ARHGAP6: variants seen among roughly 807,000 people sequenced by gnomAD.
ARHGAP6 encodes the protein rho GTPase-activating protein 6.
Under a neutral mutation model 55.7 loss-of-function variants are expected in ARHGAP6, and 16 were observed. The ratio of observed to expected loss-of-function variants is 0.29; its 90% CI spans 0.19 to 0.44. ARHGAP6 has a LOEUF of 0.44. Ranked by LOEUF, ARHGAP6 falls within the 20% of genes least tolerant of loss-of-function variation. ARHGAP6 has a pLI of 1.00. For missense variants in ARHGAP6, 698 were observed against 808.9 expected, an observed-to-expected ratio of 0.86 and a Z score of 1.66; for synonymous variants, 382 against 360.9, an observed-to-expected ratio of 1.06 and a Z score of -0.66.
intron 1 of ARHGAP6, among the ~76,000 whole-genome samples, chrX:11,336,934 T>C (rs2048645154): frequency 9.0e-6 from 1 of 111,307 alleles, no homozygotes. Flanking sequence ...AGTTAGTAAG[T>C]AATATATCCC....
rs1306805187 is a variant in ARHGAP6, at chrX:11,265,674, T to C, written c.589-10967A>G. The C allele has an allele frequency of 4.7e-6, 4 of 857,398 alleles. No homozygotes were observed. In the South Asian group the frequency reaches 9.3e-5, roughly 20 times the overall value. The allele number at this position is 857,398 out of a possible 1,213,427, so 70.7% of individuals were successfully genotyped here. On this transcript the variant is annotated intron_variant, in intron 1 of 12. Coordinates refer to ENST00000337414, the MANE Select transcript of ARHGAP6 (RefSeq NM_013427.3). Reference sequence around the variant, plus strand: ...AAAAAGTAGTGTAAGTATAGATATTTATATTGCTTACCCATAAATTATAAT... The same window carrying C: ...AAAAAGTAGTGTAAGTATAGATATTCATATTGCTTACCCATAAATTATAAT...
rs759606425 is a variant in ARHGAP6 at position 11,404,527 on chromosome X, ACTGT to A, written c.589-149824_589-149821del. On this transcript the variant is annotated intron_variant, in intron 1 of 12. Transcript: ENST00000337414. Reference sequence around the variant, plus strand: ...ATAATTAGAACTCAAAGAAAGTATCACTGTCTGCCAACAGGAACCAAATTTTCTT... The same window carrying A: ...ATAATTAGAACTCAAAGAAAGTATCACTGCCAACAGGAACCAAATTTTCTT... Among the ~76,000 whole-genome samples, 6 of 112,049 alleles carry A rather than the reference ACTGT, an allele frequency of 5.4e-5. No individual in the cohort carries two copies. In the South Asian group the frequency reaches 2.2e-3, roughly 42 times the overall value.
intron 1 of ARHGAP6, among the ~76,000 whole-genome samples, chrX:11,585,191 T>C (rs2051716393): frequency 3.6e-5 from 4 of 112,343 alleles, no homozygotes; most frequent in African/African-American, 9.7e-5. Flanking sequence ...TTTATGGTCA[T>C]TTAGGTTGAC....
chrX:11,567,043 C>T (rs1250350523), intron 1 of ARHGAP6, among the ~76,000 whole-genome samples: 29 of 112,223 alleles, frequency 2.6e-4, no homozygotes. Context: ...GCACAGCAGT[C>T]CCTGATGCAG....
At chrX:11,363,413 G>A (rs1187984162) in intron 1 of ARHGAP6, among the ~76,000 whole-genome samples, 4 of 112,143 alleles carry the variant, frequency 3.6e-5, no homozygotes, top group Non-Finnish European at 7.5e-5. Context: ...TCAATATTTA[G>A]CTCAGGCCAA....
Position 11,386,175 on chromosome X carries a change from C to A in ARHGAP6, c.589-131468G>T, listed in dbSNP as rs754513628. Among the ~76,000 whole-genome samples the A allele has an allele frequency of 6.8e-4, 77 of 112,911 alleles. 1 individual carries two copies. Among genetic ancestry groups the A allele is most frequent in the Non-Finnish European group, 1.3e-3 (71 of 53,402 alleles). On this transcript the variant is annotated intron_variant, in intron 1 of 12. Coordinates refer to ENST00000337414, the MANE Select transcript of ARHGAP6 (RefSeq NM_013427.3). ...TGCTGAGTTGTGGGAAGCTCCCCTG[C>A]CAAATCTCTGGAACGAACCTGAGAT...
At position 11,336,289 on chromosome X, in the gene ARHGAP6, A is replaced by G. The variant is rs146915473; in HGVS notation, c.589-81582T>C. On this transcript the variant is annotated intron_variant, in intron 1 of 12. Transcript: ENST00000337414. ...CTACTTCATAATTTACAGGGAGCCTATGAGAGTTCAAACACACTGTATTTT... is the reference window on the plus strand; with the variant it reads ...CTACTTCATAATTTACAGGGAGCCTGTGAGAGTTCAAACACACTGTATTTT... 5.2e-3 allele frequency among the ~76,000 whole-genome samples: 577 copies of G among 111,502 alleles called. 6 individuals carry two copies. The highest frequency in any genetic ancestry group is 0.017 in the African/African-American group (528 of 30,618).
chrX:11,351,569 C>A, intron 1 of ARHGAP6: 1 of 753,534 alleles, frequency 1.3e-6, no homozygotes, highest in Non-Finnish European at 1.6e-6. Flanking sequence ...GGCCTTGTAC[C>A]GCCTCAGTAC....
chrX:11,306,853 A>C (rs1263987006), intron 1 of ARHGAP6, among the ~76,000 whole-genome samples: 2 of 112,208 alleles, frequency 1.8e-5, no homozygotes, highest in Non-Finnish European at 3.8e-5. Context: ...AAAATGAAGA[A>C]TCCCTAACTC....
chrX:11,617,214 T>C (rs1171305093), intron 1 of ARHGAP6, among the ~76,000 whole-genome samples: 1 of 112,445 alleles, frequency 8.9e-6, no homozygotes, highest in African/African-American at 3.2e-5. Context: ...TTGGATCTAC[T>C]GAATTAAATA....
intron 1 of ARHGAP6, among the ~76,000 whole-genome samples, chrX:11,345,375 A>G (rs1272101945): frequency 8.9e-6 from 1 of 112,646 alleles, no homozygotes; most frequent in East Asian, 2.8e-4. Context: ...TGTCAATGAA[A>G]GGGATTCTTT....
At chrX:11,228,111 C>G (rs754820809) in intron 2 of ARHGAP6, among the ~76,000 whole-genome samples, 10 of 111,576 alleles carry the variant, frequency 9.0e-5, no homozygotes, top group Non-Finnish European at 1.3e-4. Flanking sequence ...ATATCACAGA[C>G]CATTTTATCC....
chrX:11,158,765 C>T (rs1163775302), intron 9 of ARHGAP6, among the ~76,000 whole-genome samples: 1 of 112,432 alleles, frequency 8.9e-6, no homozygotes, highest in Non-Finnish European at 1.9e-5. Context: ...GTCTTCTCTT[C>T]CCTCCCTTCC....
At chrX:11,348,869 A>G (rs5935021) in intron 1 of ARHGAP6, among the ~76,000 whole-genome samples, 6,606 of 110,431 alleles carry the variant, frequency 0.06, 222 homozygotes, top group African/African-American at 0.12. Context: ...GGCTGGTCTC[A>G]AACTCCTGGG....
chrX:11,231,655 C>G (rs911167004), intron 2 of ARHGAP6, among the ~76,000 whole-genome samples: 12 of 111,905 alleles, frequency 1.1e-4, no homozygotes, highest in African/African-American at 3.9e-4. Context: ...TTGACTCACT[C>G]CTTAGGAGGA....
At chrX:11,631,501 G>A (rs1311369169) in intron 1 of ARHGAP6, among the ~76,000 whole-genome samples, 1 of 109,494 alleles carries the variant, frequency 9.1e-6, no homozygotes, top group African/African-American at 3.3e-5. Context: ...ACTCCAGCCT[G>A]GGCAACAAGA....
intron 1 of ARHGAP6, among the ~76,000 whole-genome samples, chrX:11,259,118 C>T (rs1377736086): frequency 9.0e-6 from 1 of 111,509 alleles, no homozygotes; most frequent in African/African-American, 3.3e-5. Context: ...CATTAACTAT[C>T]CCCACCTCCC....
intron 1 of ARHGAP6, among the ~76,000 whole-genome samples, chrX:11,567,743 A>G (rs2051462380): frequency 9.2e-6 from 1 of 108,960 alleles, no homozygotes; most frequent in Non-Finnish European, 1.9e-5. Context: ...ATCATGACTC[A>G]CTGCAGCCTC....
At chrX:11,319,396 A>G (rs1248793991) in intron 1 of ARHGAP6, among the ~76,000 whole-genome samples, 1 of 111,711 alleles carries the variant, frequency 9.0e-6, no homozygotes, top group Non-Finnish European at 1.9e-5. Context: ...CCATCCCCAG[A>G]GTTTCTGATT....
Sources: gnomAD v4.1 joint callset for allele counts (sites outside exome capture counted in the v4.1 genomes callset) on GRCh38, gnomAD v4.1.1 for gene constraint, MANE v1.5 for transcripts, NCBI Gene and HGNC (gene_info 2026-07-23, HGNC 2026-07-21) for gene names.